CELF4: variants seen among roughly 807,000 people sequenced by gnomAD.
The protein encoded by CELF4 is CUG-BP- and ETR-3-like factor 4.
Under a neutral mutation model 59.9 loss-of-function variants are expected in CELF4, and 18 were observed. The ratio of observed to expected loss-of-function variants is 0.30; its 90% CI spans 0.21 to 0.45. CELF4 has a LOEUF of 0.45. Among genes scored for constraint, CELF4 ranks in the 20% least tolerant of loss-of-function variants. CELF4 has a pLI of 1.00. For missense variants in CELF4, 456 were observed against 689.0 expected, an observed-to-expected ratio of 0.66 and a Z score of 3.79; for synonymous variants, 261 against 267.1, an observed-to-expected ratio of 0.98 and a Z score of 0.22.
chr18:37,351,766 A>G (rs2098447252), intron 2 of CELF4, among the ~76,000 whole-genome samples: 1 of 151,922 alleles, frequency 6.6e-6, no homozygotes, highest in East Asian at 1.9e-4. Flanking sequence ...GCACGCCACC[A>G]CGCCCTGCTA....
intron 1 of CELF4, among the ~76,000 whole-genome samples, chr18:37,562,377 CT>C (rs5824077): frequency 1.3e-3 from 193 of 145,576 alleles, no homozygotes; most frequent in African/African-American, 3.4e-3. Context: ...TTTCCTTTTC[CT>C]TTTTTTTTTT....
At chr18:37,475,874 C>T (rs948307807) in intron 2 of CELF4, among the ~76,000 whole-genome samples, 1 of 152,218 alleles carries the variant, frequency 6.6e-6, no homozygotes, top group Non-Finnish European at 1.5e-5. Context: ...GTTCCTCTCC[C>T]TTTACATACA....
intron 7 of CELF4, 47 bp from the exon 8 acceptor site, chr18:37,270,964 G>C (rs139308337): frequency 1.3e-6 from 2 of 1,508,374 alleles, no homozygotes; most frequent in African/African-American, 1.4e-5. Flanking sequence ...GAGGCAAGCA[G>C]AACAAAGGTG....
chr18:37,499,979 G>C (rs1441502209), intron 1 of CELF4, among the ~76,000 whole-genome samples: 1 of 152,194 alleles, frequency 6.6e-6, no homozygotes, highest in Non-Finnish European at 1.5e-5. Flanking sequence ...CATCTGGTCA[G>C]TACGGTAGCT....
intron 1 of CELF4, among the ~76,000 whole-genome samples, chr18:37,564,042 G>A (rs1454390824): frequency 1.3e-5 from 2 of 152,146 alleles, no homozygotes; most frequent in Admixed American, 1.3e-4. Flanking sequence ...CAAGGATGAG[G>A]CTGCTCTCTA....
chr18:37,505,599 C>G (rs142748047), intron 1 of CELF4, among the ~76,000 whole-genome samples: 39 of 152,276 alleles, frequency 2.6e-4, no homozygotes, highest in African/African-American at 9.1e-4. Flanking sequence ...CCTCCCCAGC[C>G]TTTTTGTGAA....
intron 2 of CELF4, among the ~76,000 whole-genome samples, chr18:37,386,396 C>G (rs1398765859): frequency 2.0e-5 from 3 of 152,132 alleles, no homozygotes; most frequent in Non-Finnish European, 4.4e-5. Context: ...GCGAGGATAC[C>G]TTGCGGTCGT....
intron 1 of CELF4, among the ~76,000 whole-genome samples, chr18:37,496,690 G>C (rs1460745870): frequency 2.0e-5 from 3 of 152,182 alleles, no homozygotes; most frequent in African/African-American, 7.2e-5. Context: ...ATCTCACACT[G>C]TCCTGGTAGG....
intron 3 of CELF4, among the ~76,000 whole-genome samples, chr18:37,299,499 C>T (rs1603351303): frequency 1.3e-5 from 2 of 152,068 alleles, no homozygotes; most frequent in East Asian, 1.9e-4. Flanking sequence ...AACCCTCCCA[C>T]TCAGAATGTC....
intron 1 of CELF4, among the ~76,000 whole-genome samples, chr18:37,490,270 G>A (rs1204719971): frequency 2.0e-5 from 3 of 152,124 alleles, no homozygotes; most frequent in East Asian, 3.9e-4. Flanking sequence ...CAGGGAGTAC[G>A]GGGTGGGGAG....
At chr18:37,498,331 CTCT>C (rs202114712) in intron 1 of CELF4, among the ~76,000 whole-genome samples, 6,616 of 139,510 alleles carry the variant, frequency 0.047, 297 homozygotes, top group African/African-American at 0.12. Flanking sequence ...CTCTCCTTCC[CTCT>C]TCTTCCCTTC....
intron 2 of CELF4, among the ~76,000 whole-genome samples, chr18:37,445,702 T>C (rs2099746265): frequency 6.6e-6 from 1 of 152,054 alleles, no homozygotes; most frequent in Admixed American, 6.6e-5. Context: ...AAGGCAACTC[T>C]TTCCAAAAGA....
intron 2 of CELF4, among the ~76,000 whole-genome samples, chr18:37,407,222 G>A (rs1230785327): frequency 6.6e-6 from 1 of 152,114 alleles, no homozygotes; most frequent in African/African-American, 2.4e-5. Flanking sequence ...TTGGGCACAC[G>A]GGAAACTCTC....
chr18:37,362,667 C>T (rs1202282121), intron 2 of CELF4, among the ~76,000 whole-genome samples: 2 of 44,888 alleles, frequency 4.5e-5, no homozygotes, highest in South Asian at 7.5e-4. Flanking sequence ...CTGGGGCACC[C>T]GCTGGCTGCC....
rs368324418 is a variant in CELF4, at chr18:37,423,979, G to C, written c.369+61546C>G. Among the ~76,000 whole-genome samples, 40 of 148,540 alleles carry C rather than the reference G, an allele frequency of 2.7e-4. 1 individual carries two copies. Among genetic ancestry groups the C allele is most frequent in the East Asian group, 1.8e-3 (9 of 4,946 alleles). Reference sequence around the variant, plus strand: ...CCACCCTTCTAAGTCCTGGGGAGAGGTCTCCGCCACCGAGAAGCCTTCTAG... The same window carrying C: ...CCACCCTTCTAAGTCCTGGGGAGAGCTCTCCGCCACCGAGAAGCCTTCTAG... On this transcript the variant is annotated intron_variant, in intron 2 of 12. Transcript: ENST00000420428.
intron 1 of CELF4, among the ~76,000 whole-genome samples, chr18:37,506,107 C>T (rs1281291829): frequency 7.2e-6 from 1 of 138,576 alleles, no homozygotes; most frequent in Non-Finnish European, 1.5e-5. Flanking sequence ...TTTTGGCATT[C>T]TCTGTTCCTT....
chr18:37,350,214 T>C (rs937952154), intron 2 of CELF4, among the ~76,000 whole-genome samples: 4 of 152,144 alleles, frequency 2.6e-5, no homozygotes, highest in East Asian at 1.9e-4. Context: ...GCAGACACTT[T>C]AGCAAACTGC....
At chr18:37,434,875 C>T (rs2099684981) in intron 2 of CELF4, among the ~76,000 whole-genome samples, 2 of 152,184 alleles carry the variant, frequency 1.3e-5, no homozygotes, top group African/African-American at 4.8e-5. Flanking sequence ...CTCCTGCACC[C>T]CCTCCTTTTC....
chr18:37,555,034 A>G (rs1205709204), intron 1 of CELF4, among the ~76,000 whole-genome samples: 2 of 152,152 alleles, frequency 1.3e-5, no homozygotes, highest in Non-Finnish European at 2.9e-5. Flanking sequence ...CAAGAATTTA[A>G]TCACAGTGAT....
Sources: allele counts gnomAD v4.1 joint callset (sites outside exome capture counted in the v4.1 genomes callset), GRCh38; gene constraint gnomAD v4.1.1; transcripts MANE v1.5; gene names NCBI Gene and HGNC (gene_info 2026-07-23, HGNC 2026-07-21).